The following PAX5 variants were observed in gnomAD, a reference collection of about 807,000 sequenced individuals.
PAX5 encodes paired box 5.
In PAX5, 9 loss-of-function variants were observed where a neutral mutation model predicts 43.7. The ratio of observed to expected loss-of-function variants is 0.21; its 90% CI spans 0.12 to 0.36. The LOEUF (loss-of-function observed/expected upper bound fraction) is 0.36, where lower values mean the gene tolerates loss of function less well. Ranked by LOEUF, PAX5 falls within the 10% of genes least tolerant of loss-of-function variation. The pLI is 1.00. For synonymous variants in PAX5, 228 were observed against 214.3 expected (o/e 1.06, Z -0.56); for missense variants, 383 against 532.7 (o/e 0.72, Z 2.77).
In PAX5 at chr9:36,991,653, C is replaced by T. The variant is rs1054748061; in HGVS notation, c.604+10995G>A. 2.0e-5 allele frequency among the ~76,000 whole-genome samples: 3 copies of T among 152,206 alleles called. No homozygotes were observed. The South Asian group carries it at 6.2e-4, about 31-fold the overall frequency. ...GGCACTGCCACCTCCGACCCAGTTA[C>T]AAGCATACCAAGCTCATGAATGGCC... On this transcript the variant is annotated intron_variant, in intron 5 of 9. Transcript: ENST00000358127.
At chr9:37,026,776 C>T (rs1840427206) in intron 1 of PAX5, 2 of 960,090 alleles carry the variant, frequency 2.1e-6, no homozygotes, top group South Asian at 4.8e-5. Flanking sequence ...GGAAATGGTG[C>T]TAGCGCACCC....
chr9:36,928,883 T>C (rs1022086292), intron 6 of PAX5, among the ~76,000 whole-genome samples: 1 of 152,154 alleles, frequency 6.6e-6, no homozygotes, highest in African/African-American at 2.4e-5. Flanking sequence ...TCCTTATCAA[T>C]CCCTCCTACA....
intron 6 of PAX5, chr9:36,930,880 G>A: frequency 7.6e-7 from 1 of 1,307,936 alleles, no homozygotes. Flanking sequence ...GGGTCCCTAG[G>A]AAATTACCTG....
rs964790577 is a variant in PAX5, at chr9:36,837,354, T to A, written c.*3206A>T. The stretch of plus-strand genomic sequence containing the variant: ...GTGCCTTGGGAAAGGGATGTTGGGT[T>A]TGATATATCATCCAATTTTTCTAGG... On this transcript the variant is annotated 3_prime_UTR_variant, in exon 10 of 10. Transcript: ENST00000358127. 4.3e-6 allele frequency: 1 copy of A among 233,196 alleles called. No homozygotes were observed. Among genetic ancestry groups the A allele is most frequent in the African/African-American group, 2.2e-5 (1 of 45,360 alleles). 14.4% of individuals were successfully genotyped at this position (233,196 alleles called of 1,614,324 possible).
intron 5 of PAX5, among the ~76,000 whole-genome samples, chr9:36,986,977 G>C (rs1436025042): frequency 1.3e-5 from 2 of 152,200 alleles, no homozygotes; most frequent in Non-Finnish European, 2.9e-5. Flanking sequence ...AGGCCTGGCA[G>C]CATCACCAGC....
chr9:36,955,782 A>AAT (rs10593538), intron 6 of PAX5, among the ~76,000 whole-genome samples: 24 of 132,516 alleles, frequency 1.8e-4, no homozygotes, highest in East Asian at 1.3e-3. Flanking sequence ...AAAAAAAAAA[A>AAT]ATATATATAT....
intron 8 of PAX5, among the ~76,000 whole-genome samples, chr9:36,864,542 G>A (rs780985512): frequency 5.9e-5 from 9 of 152,208 alleles, no homozygotes; most frequent in Non-Finnish European, 1.0e-4. Flanking sequence ...GAGGGTCCCC[G>A]TGCCCCAGCC....
In PAX5 at chr9:36,977,139, G is replaced by A. The variant is rs113331589; in HGVS notation, c.605-10415C>T. Among the ~76,000 whole-genome samples the A allele has an allele frequency of 7.3e-3, 1,117 of 152,288 alleles. 11 individuals carry two copies. Among genetic ancestry groups the A allele is most frequent in the African/African-American group, 0.026 (1,093 of 41,542 alleles). ...CCTGGGAGCCTAATGCAAGTGGCCAGACCCTATTCAGAGCTCACTCTGCGA... is the reference window on the plus strand; with the variant it reads ...CCTGGGAGCCTAATGCAAGTGGCCAAACCCTATTCAGAGCTCACTCTGCGA... On this transcript the variant is annotated intron_variant, in intron 5 of 9. Transcript: ENST00000358127.
At chr9:36,950,944 C>G (rs900217731) in intron 6 of PAX5, among the ~76,000 whole-genome samples, 9 of 151,968 alleles carry the variant, frequency 5.9e-5, no homozygotes, top group African/African-American at 1.9e-4. Context: ...GTTTCACCAT[C>G]TCGAGACCAA....
At chr9:37,013,135 T>G (rs188909587) in intron 3 of PAX5, among the ~76,000 whole-genome samples, 9 of 152,044 alleles carry the variant, frequency 5.9e-5, no homozygotes, top group Admixed American at 3.9e-4. Context: ...TACAGAAATA[T>G]CCATGCATAC....
Position 36,837,976 on chromosome 9 carries a change from G to T in PAX5, c.*2584C>A. The T allele has an allele frequency of 4.3e-6, 1 of 233,372 alleles. No homozygotes were observed. Among genetic ancestry groups the T allele is most frequent in the Non-Finnish European group, 8.5e-6 (1 of 118,096 alleles). The allele number at this position is 233,372 out of a possible 1,614,324, so 14.5% of individuals were successfully genotyped here. On this transcript the variant is annotated 3_prime_UTR_variant, in exon 10 of 10. Transcript: ENST00000358127. ...GTGGGTACACATCATTCCAAAAGAA[G>T]GGTGACAGGGGGCAGAGGCTCAAGA... is the stretch of plus-strand genomic sequence containing the variant.
rs116274343 is a variant in PAX5 at position 36,886,120 on chromosome 9, G to T, written c.911-4015C>A. Among the ~76,000 whole-genome samples, 746 of 152,192 alleles carry T rather than the reference G, an allele frequency of 4.9e-3. 6 individuals carry two copies. The highest frequency in any genetic ancestry group is 0.017 in the African/African-American group (702 of 41,540). ...AGGGGGCACATGTGGAGCAGAGATG[G>T]ACCCAAACTGTGACTGGAACCCAGC... On this transcript the variant is annotated intron_variant, in intron 7 of 9. Transcript: ENST00000358127.
intron 1 of PAX5, among the ~76,000 whole-genome samples, chr9:37,026,021 A>G (rs1840319018): frequency 6.6e-6 from 1 of 152,138 alleles, no homozygotes; most frequent in Admixed American, 6.5e-5. Flanking sequence ...ACGCCTTTGG[A>G]GCCCTAGCCC....
At position 36,882,274 on chromosome 9, in the gene PAX5, A is replaced by G. The variant is rs1180060679; in HGVS notation, c.911-169T>C. 7.5e-6 allele frequency among the ~76,000 whole-genome samples: 1 copy of G among 132,532 alleles called. No homozygotes were observed. The highest frequency in any genetic ancestry group is 2.6e-5 in the African/African-American group (1 of 37,954). 86.9% of individuals were successfully genotyped at this position (132,532 alleles called of 152,430 possible). On this transcript the variant is annotated intron_variant, in intron 7 of 9. Coordinates refer to ENST00000358127, the MANE Select transcript of PAX5 (RefSeq NM_016734.3). This position sits in a 1 kb window ranked among gnomAD's most constrained non-coding sequence, Gnocchi z 4.4. ...CGCTCTCACAAACACACATACACAC[A>G]CACACACACACACACACACACTCAT...
intron 8 of PAX5, among the ~76,000 whole-genome samples, chr9:36,876,835 T>C (rs934977241): frequency 1.3e-5 from 2 of 152,200 alleles, no homozygotes; most frequent in Admixed American, 1.3e-4. Flanking sequence ...GGGGATGCCC[T>C]GGAGCCGGAA....
At chr9:36,958,480 G>A (rs1833684605) in intron 6 of PAX5, among the ~76,000 whole-genome samples, 1 of 151,952 alleles carries the variant, frequency 6.6e-6, no homozygotes, top group African/African-American at 2.4e-5. Context: ...GGGGGGAAGT[G>A]TGAGGAGGTG....
intron 5 of PAX5, among the ~76,000 whole-genome samples, chr9:36,994,789 G>A (rs1011150944): frequency 7.9e-5 from 12 of 152,152 alleles, no homozygotes; most frequent in Non-Finnish European, 8.8e-5. Context: ...CCCCAAAGAA[G>A]CCAGGCATCC....
At chr9:36,990,285 G>A (rs1423692283) in intron 5 of PAX5, among the ~76,000 whole-genome samples, 1 of 152,192 alleles carries the variant, frequency 6.6e-6, no homozygotes, top group African/African-American at 2.4e-5. Context: ...CAAGATTCCA[G>A]GAGTAGTCAT....
intron 6 of PAX5, among the ~76,000 whole-genome samples, chr9:36,964,799 A>C (rs920572632): frequency 6.6e-6 from 1 of 152,140 alleles, no homozygotes; most frequent in African/African-American, 2.4e-5. Context: ...CTGAAGTCCA[A>C]GATCTAGAGT....
Sources: allele counts gnomAD v4.1 joint callset (sites outside exome capture counted in the v4.1 genomes callset), GRCh38; gene constraint gnomAD v4.1.1; non-coding constraint Gnocchi (gnomAD v3.1); transcripts MANE v1.5; gene names NCBI Gene and HGNC (gene_info 2026-07-23, HGNC 2026-07-21).